The following ZNF624 variants were observed in gnomAD, a reference collection of about 807,000 sequenced individuals.
The protein encoded by ZNF624 is zinc finger protein 624.
Under a neutral mutation model 74.7 loss-of-function variants are expected in ZNF624, and 43 were observed. The ratio of observed to expected loss-of-function variants is 0.58; its 90% CI spans 0.45 to 0.74. The LOEUF is 0.74. Among genes scored for constraint, ZNF624 ranks in the 30% least tolerant of loss-of-function variants. ZNF624 has a pLI of 0.00. For synonymous variants in ZNF624, 331 were observed against 341.3 expected (o/e 0.97, Z 0.33); for missense variants, 820 against 1,030.0 (o/e 0.80, Z 2.79).
At chr17:16,649,847 G>C in intron 1 of ZNF624, 101 bp from the exon 2 acceptor site, 1 of 863,732 alleles carries the variant, frequency 1.2e-6, no homozygotes, top group East Asian at 2.6e-5. Context: ...CCTCCCTAAG[G>C]AAGCACAAGA....
At position 16,623,663 on chromosome 17, in the gene ZNF624, T is replaced by C; in HGVS notation, c.1223A>G (p.Glu408Gly). The C allele has an allele frequency of 6.2e-7, 1 of 1,609,388 alleles. No individual in the cohort carries two copies. The highest frequency in any genetic ancestry group is 8.5e-7 in the Non-Finnish European group (1 of 1,178,520). Residue 408 changes from glutamate to glycine, a missense_variant, in exon 6 of 6, where the codon GAA becomes GGA. Coordinates refer to ENST00000311331, the MANE Select transcript of ZNF624 (RefSeq NM_020787.4). This position sits in a 1 kb window ranked among gnomAD's most constrained non-coding sequence, Gnocchi z 5.3. ...SDKSKLARHQETHNGEKPYKC... is the reference protein window; with the variant it reads ...SDKSKLARHQGTHNGEKPYKC... ...GTAGGGTTTCTCACCATTGTGAGTT[T>C]CCTGATGTCTTGCAAGTTTTGATTT... is the stretch of plus-strand genomic sequence containing the variant.
rs550975723 is a variant in ZNF624, at chr17:16,643,837, T to C, written c.153+3492A>G. On this transcript the variant is annotated intron_variant, in intron 3 of 5. Coordinates refer to ENST00000311331, the MANE Select transcript of ZNF624 (RefSeq NM_020787.4). Reference sequence around the variant, plus strand: ...TAGAATGTAGAAGTGTGAGTTAACTTTGAAACATAAAACTGCTGCGACAGT... The same window carrying C: ...TAGAATGTAGAAGTGTGAGTTAACTCTGAAACATAAAACTGCTGCGACAGT... Among the ~76,000 whole-genome samples the C allele has an allele frequency of 4.5e-4, 68 of 152,308 alleles. 1 individual carries two copies. The highest frequency in any genetic ancestry group is 1.5e-3 in the African/African-American group (62 of 41,558).
intron 3 of ZNF624, among the ~76,000 whole-genome samples, chr17:16,643,696 A>C (rs1173633871): frequency 1.3e-5 from 2 of 151,376 alleles, no homozygotes; most frequent in Middle Eastern, 6.4e-3. Flanking sequence ...AGTGTCATTA[A>C]AAATACTGCC....
rs762389905 is a variant in ZNF624 at position 16,621,749 on chromosome 17, T to G, written c.*539A>C. The G allele has an allele frequency of 3.9e-5, 6 of 152,236 alleles. No homozygotes were observed. Among genetic ancestry groups the G allele is most frequent in the African/African-American group, 7.2e-5 (3 of 41,444 alleles). 9.4% of individuals were successfully genotyped at this position (152,236 alleles called of 1,614,324 possible). On this transcript the variant is annotated 3_prime_UTR_variant, in exon 6 of 6. Transcript: ENST00000311331. ...GTAAAAAATAAAATCATAAAAATCT[T>G]AAAAACACATTTAGGATACTACGTA...
At chr17:16,645,137 G>A (rs2081239641) in intron 3 of ZNF624, among the ~76,000 whole-genome samples, 3 of 152,038 alleles carry the variant, frequency 2.0e-5, no homozygotes, top group African/African-American at 4.8e-5. Context: ...TCCCTCCTTC[G>A]TCAAGATTAT....
At chr17:16,638,613 C>CA (rs1909392687) in intron 3 of ZNF624, among the ~76,000 whole-genome samples, 2 of 151,822 alleles carry the variant, frequency 1.3e-5, no homozygotes, top group South Asian at 2.1e-4. Context: ...ATCGCAAGGA[C>CA]AAAAAACCAA....
intron 3 of ZNF624, among the ~76,000 whole-genome samples, chr17:16,644,862 G>A (rs949100640): frequency 2.0e-5 from 3 of 152,200 alleles, no homozygotes; most frequent in African/African-American, 7.2e-5. Flanking sequence ...TAAAGTCATA[G>A]ACTGTCAGAA....
rs963663514 is a variant in ZNF624 at position 16,653,769 on chromosome 17, G to T, written c.-8C>A. The T allele has an allele frequency of 1.3e-5, 2 of 152,728 alleles. No homozygotes were observed. Among genetic ancestry groups the T allele is most frequent in the Non-Finnish European group, 2.9e-5 (2 of 68,078 alleles). The allele number at this position is 152,728 out of a possible 1,614,324, so 9.5% of individuals were successfully genotyped here. ...GCGCCCGGGACAACGAGTACCTGGC[G>T]GCCGAACTGAGGACAACTGAGGGAA... On this transcript the variant is annotated 5_prime_UTR_variant, in exon 1 of 6. Transcript: ENST00000311331.
chr17:16,634,902 A>G (rs1909292231), intron 3 of ZNF624, 146 bp from the exon 4 acceptor site: 1 of 648,670 alleles, frequency 1.5e-6, no homozygotes, highest in East Asian at 2.8e-5. Flanking sequence ...TATAGGATGT[A>G]TAAATCTCTC....
intron 2 of ZNF624, among the ~76,000 whole-genome samples, chr17:16,648,387 C>A (rs1909644406): frequency 6.6e-6 from 1 of 152,198 alleles, no homozygotes; most frequent in African/African-American, 2.4e-5. Flanking sequence ...TATGCTAACT[C>A]TCCCTCAACA....
intron 3 of ZNF624, among the ~76,000 whole-genome samples, chr17:16,638,605 CG>C: frequency 6.6e-6 from 1 of 152,188 alleles, no homozygotes; most frequent in Non-Finnish European, 1.5e-5. Context: ...AGCAAACTAT[CG>C]CAAGGACAAA....
intron 5 of ZNF624, among the ~76,000 whole-genome samples, chr17:16,628,058 G>A (rs1281753676): frequency 6.6e-6 from 1 of 152,092 alleles, no homozygotes; most frequent in Admixed American, 6.5e-5. Context: ...CCAGGAGTTC[G>A]AGACCAGACT....
At chr17:16,647,207 G>A in intron 3 of ZNF624, 122 bp downstream of exon 3, 1 of 881,650 alleles carries the variant, frequency 1.1e-6, no homozygotes. Context: ...CACCAGCCCT[G>A]GGGCTACCAC....
chr17:16,624,783 A>G, intron 5 of ZNF624: 1 of 224,446 alleles, frequency 4.5e-6, no homozygotes, highest in Non-Finnish European at 8.3e-6. Context: ...TTGGGAGGCC[A>G]AGGTGAGAGA....
At chr17:16,648,226 G>A (rs1202550323) in intron 2 of ZNF624, among the ~76,000 whole-genome samples, 3 of 151,926 alleles carry the variant, frequency 2.0e-5, no homozygotes, top group Non-Finnish European at 4.4e-5. Context: ...TTGCAGGCAT[G>A]AGCCACTGCG....
Position 16,624,478 on chromosome 17 carries a change from A to T in ZNF624, c.408T>A (p.Ala136=), listed in dbSNP as rs1288189622. Residue 136 remains alanine (A), a synonymous_variant, in exon 6 of 6, where the codon GCT becomes GCA. Coordinates refer to ENST00000311331, the MANE Select transcript of ZNF624 (RefSeq NM_020787.4). ...CTTCAGAAATAGCCTTTGTTCGTGT[A>T]GCCTTCTTGGTTGCAGGTTTGGGCT... ...DMEPKPATKK[A]TRTKAISEDL... is the part of the protein sequence containing the mutation. 6.9e-6 allele frequency: 11 copies of T among 1,584,262 alleles called. No homozygotes were observed. Among genetic ancestry groups the T allele is most frequent in the Non-Finnish European group, 9.4e-6 (11 of 1,170,406 alleles).
At chr17:16,616,980 G>C, downstream of ZNF624, 1 of 1,601,252 alleles carries the variant, frequency 6.2e-7, no homozygotes, top group Non-Finnish European at 8.6e-7. Flanking sequence ...GCGGCGAATT[G>C]GAACGGGACT....
intron 3 of ZNF624, among the ~76,000 whole-genome samples, chr17:16,641,952 G>A (rs768351772): frequency 3.9e-5 from 6 of 152,166 alleles, no homozygotes; most frequent in Non-Finnish European, 7.3e-5. Context: ...CAAAAGATGT[G>A]TAAAACATGC....
intron 3 of ZNF624, among the ~76,000 whole-genome samples, chr17:16,643,726 T>C (rs1250097450): frequency 6.6e-6 from 1 of 152,206 alleles, no homozygotes; most frequent in Non-Finnish European, 1.5e-5. Context: ...ATCTTTTTCT[T>C]CCCTCCCAGG....
Sources: allele counts gnomAD v4.1 joint callset (sites outside exome capture counted in the v4.1 genomes callset), GRCh38; gene constraint gnomAD v4.1.1; non-coding constraint Gnocchi (gnomAD v3.1); transcripts MANE v1.5; gene names NCBI Gene and HGNC (gene_info 2026-07-23, HGNC 2026-07-21).